Variants in AKAP3 observed in about 807,000 individuals in gnomAD.
The protein encoded by AKAP3 is A-kinase anchor protein 3.
Under a neutral mutation model 57.2 loss-of-function variants are expected in AKAP3, and 27 were observed. The ratio of observed to expected loss-of-function variants is 0.47; its 90% confidence interval spans 0.35 to 0.65. The LOEUF is 0.65. Ranked by LOEUF, AKAP3 falls within the 30% of genes least tolerant of loss-of-function variation. The probability of loss-of-function intolerance (pLI) is 0.01; values close to 1 mark genes in which losing one functional copy is unlikely to be tolerated. For missense variants in AKAP3, 959 were observed against 1,040.0 expected (o/e 0.92, Z 1.07); for synonymous variants, 334 against 392.3 (o/e 0.85, Z 1.76).
At chr12:4,636,669 A>G (rs1423143568) in intron 4 of AKAP3, among the ~76,000 whole-genome samples, 24 of 152,228 alleles carry the variant, frequency 1.6e-4, no homozygotes, top group Admixed American at 1.2e-3. Context: ...TTAAAACTTT[A>G]TATAGATCGA....
Position 4,649,021 on chromosome 12 carries a change from C to G in AKAP3, c.-521G>C, listed in dbSNP as rs913860636. On this transcript the variant is annotated 5_prime_UTR_variant, in exon 1 of 6. Coordinates refer to ENST00000228850, the MANE Select transcript of AKAP3 (RefSeq NM_001278309.2). Reference sequence around the variant, plus strand: ...TAACCAACAATCTACCCGAAACCGTCGTTTCTTGGTTAGCGCTTGCGCAGA... The same window carrying G: ...TAACCAACAATCTACCCGAAACCGTGGTTTCTTGGTTAGCGCTTGCGCAGA... The G allele has an allele frequency of 2.1e-5, 28 of 1,308,932 alleles. No homozygotes were observed. Among genetic ancestry groups the G allele is most frequent in the Non-Finnish European group, 3.0e-5 (28 of 932,434 alleles). The allele number at this position is 1,308,932 out of a possible 1,614,324, so 81.1% of individuals were successfully genotyped here. A position where few individuals can be genotyped will look rare whatever the true frequency, so the allele number is the denominator to read the frequency against.
chr12:4,627,163 C>T lies in AKAP3; in HGVS notation c.1739G>A (p.Gly580Asp). The T allele has an allele frequency of 6.2e-7, 1 of 1,614,042 alleles. No homozygotes were observed. The highest frequency in any genetic ancestry group is 8.5e-7 in the Non-Finnish European group (1 of 1,180,026). Residue 580 changes from glycine to aspartate, a missense_variant, in exon 5 of 6, where the codon GGT becomes GAT. Physicochemically the swap from Gly to Asp is moderately conservative, Grantham distance 94 (BLOSUM62 -1). Transcript: ENST00000228850. Reference protein sequence around the residue: ...ESCLKSAPIVGDQEQAEKKDL... With the variant: ...ESCLKSAPIVDDQEQAEKKDL... ...CTTCTTTTCTGCTTGTTCTTGGTCA[C>T]CTACAATGGGAGCAGACTTAAGGCA... is the stretch of plus-strand genomic sequence containing the variant.
At chr12:4,645,406 T>G (rs1945686766) in intron 1 of AKAP3, 1 of 152,240 alleles carries the variant, frequency 6.6e-6, no homozygotes, top group African/African-American at 2.4e-5. Context: ...CAGGGACCAG[T>G]TTTGTGAAAG....
In AKAP3 at chr12:4,624,315, A is replaced by ATGTG. The variant is rs756366662; in HGVS notation, c.2406+2180_2406+2181insCACA. Among the ~76,000 whole-genome samples, 2 of 146,234 alleles carry ATGTG rather than the reference A, an allele frequency of 1.4e-5. 1 individual carries two copies. The highest frequency in any genetic ancestry group is 3.0e-5 in the Non-Finnish European group (2 of 66,540). ...ATAAAAAATAATAATTTGTGACTTT[A>ATGTG]CGTGTGTGTGTGTGTGTGTGTGTGT... On this transcript the variant is annotated intron_variant, in intron 5 of 5. Transcript: ENST00000228850.
At chr12:4,641,363 C>A (rs1156378323) in intron 3 of AKAP3, among the ~76,000 whole-genome samples, 1 of 152,036 alleles carries the variant, frequency 6.6e-6, no homozygotes, top group Admixed American at 6.6e-5. Flanking sequence ...CTACACCAGG[C>A]GCTCCACATC....
At position 4,636,982 on chromosome 12, in the gene AKAP3, G is replaced by A. The variant is rs143910841; in HGVS notation, c.96+1119C>T. Reference sequence around the variant, plus strand: ...GCTGGTCTCCAACTCCTGGGCTCAAGCAATCCTCCCACCTTGGCCTCCCAA... The same window carrying A: ...GCTGGTCTCCAACTCCTGGGCTCAAACAATCCTCCCACCTTGGCCTCCCAA... On this transcript the variant is annotated intron_variant, in intron 4 of 5. Coordinates refer to ENST00000228850, the MANE Select transcript of AKAP3 (RefSeq NM_001278309.2). Among the ~76,000 whole-genome samples the A allele has an allele frequency of 2.5e-3, 379 of 152,228 alleles. 5 individuals are homozygous for A. Among genetic ancestry groups the A allele is most frequent in the African/African-American group, 7.8e-3 (326 of 41,538 alleles).
At chr12:4,633,970 C>A (rs1224388234) in intron 4 of AKAP3, among the ~76,000 whole-genome samples, 1 of 138,056 alleles carries the variant, frequency 7.2e-6, no homozygotes, top group East Asian at 2.1e-4. Context: ...TATCTATATT[C>A]TTTTTTTTTT....
Position 4,628,649 on chromosome 12 carries a change from A to C in AKAP3, c.253T>G (p.Tyr85Asp). ...GTGCCCTTGGTGGTGGTGTTGTAATAGTCTACAGAGAAACCTTTGTGTGGG... is the reference window on the plus strand; with the variant it reads ...GTGCCCTTGGTGGTGGTGTTGTAATCGTCTACAGAGAAACCTTTGTGTGGG... ...GDPHKGFSVD[Y>D]YNTTTKGTPE... The change falls in exon 5 of 6, where the codon TAT (tyrosine) becomes GAT (aspartate). Residue 85 changes from tyrosine (Y) to aspartate (D), a missense_variant. Transcript: ENST00000228850. 7.4e-6 allele frequency: 12 copies of C among 1,614,222 alleles called. No homozygotes were observed. Among genetic ancestry groups the C allele is most frequent in the Non-Finnish European group, 1.0e-5 (12 of 1,180,028 alleles).
chr12:4,616,489 C>T (rs1458812935), intron 5 of AKAP3, among the ~76,000 whole-genome samples: 1 of 152,226 alleles, frequency 6.6e-6, no homozygotes, highest in Non-Finnish European at 1.5e-5. Flanking sequence ...AACAAACTCT[C>T]TCAAGTAATC....
At chr12:4,640,914 T>G (rs1217903115) in intron 3 of AKAP3, among the ~76,000 whole-genome samples, 1 of 152,182 alleles carries the variant, frequency 6.6e-6, no homozygotes, top group Non-Finnish European at 1.5e-5. Context: ...AAATGCTCCC[T>G]GAGTGATTCT....
intron 4 of AKAP3, chr12:4,631,456 C>T (rs932332335): frequency 4.9e-5 from 32 of 655,784 alleles, no homozygotes; most frequent in African/African-American, 4.7e-4. Context: ...TATAAACTGT[C>T]TCTATCAGTG....
intron 2 of AKAP3, 171 bp from the exon 3 acceptor site, chr12:4,642,175 C>A (rs561565867): frequency 1.1e-4 from 17 of 152,324 alleles, no homozygotes; most frequent in African/African-American, 4.1e-4. Context: ...TGCAGTCTAG[C>A]AGTTCCAAGA....
rs1257434729 is a variant in AKAP3 at position 4,627,956 on chromosome 12, T to G, written c.946A>C (p.Ile316Leu). 23 of 1,614,124 alleles carry G rather than the reference T, an allele frequency of 1.4e-5. 1 individual carries two copies. In the South Asian group the frequency reaches 1.5e-4, roughly 11 times the overall value. Residue 316 changes from isoleucine (I) to leucine (L), a missense_variant, in exon 5 of 6, where the codon ATC (isoleucine) becomes CTC (leucine). Ile to Leu is a conservative substitution (Grantham distance 5). Transcript: ENST00000228850. Reference sequence around the variant, plus strand: ...TTGAGCAGAACCTTCTTCAGTAGGATGGTGGCAATGGTTGTGTCTTTCACT... The same window carrying G: ...TTGAGCAGAACCTTCTTCAGTAGGAGGGTGGCAATGGTTGTGTCTTTCACT... ...IQVKDTTIATILLKKVLLKHA... is the reference protein window; with the variant it reads ...IQVKDTTIATLLLKKVLLKHA...
At chr12:4,624,996 C>T (rs1213102091) in intron 5 of AKAP3, among the ~76,000 whole-genome samples, 3 of 152,110 alleles carry the variant, frequency 2.0e-5, no homozygotes, top group African/African-American at 7.2e-5. Flanking sequence ...GGCTTTCTCA[C>T]ACATTACACA....
intron 5 of AKAP3, among the ~76,000 whole-genome samples, chr12:4,618,271 A>C (rs925469908): frequency 6.6e-6 from 1 of 152,228 alleles, no homozygotes; most frequent in Non-Finnish European, 1.5e-5. Context: ...ATAAGAAAAG[A>C]TGTACCATGA....
intron 5 of AKAP3, among the ~76,000 whole-genome samples, chr12:4,621,303 A>G (rs1054663062): frequency 2.6e-5 from 4 of 152,194 alleles, no homozygotes; most frequent in Admixed American, 2.6e-4. Context: ...AATATTTTAA[A>G]ATATTTATTG....
chr12:4,615,661 G>C lies in AKAP3; in HGVS notation c.*78C>G. 6.6e-7 allele frequency: 1 copy of C among 1,512,722 alleles called. No homozygotes were observed. 93.7% of individuals were successfully genotyped at this position (1,512,722 alleles called of 1,614,324 possible). A position where few individuals can be genotyped will look rare whatever the true frequency, so the allele number is the denominator to read the frequency against. On this transcript the variant is annotated 3_prime_UTR_variant, in exon 6 of 6. Transcript: ENST00000228850. ...GGCTCTGTGAGGATATAGAGGGGGAGATGTGGAAGTGAGAAAGAAGGGCGG... is the reference window on the plus strand; with the variant it reads ...GGCTCTGTGAGGATATAGAGGGGGACATGTGGAAGTGAGAAAGAAGGGCGG...
At position 4,625,175 on chromosome 12, in the gene AKAP3, T is replaced by C. The variant is rs1945397293; in HGVS notation, c.2406+1321A>G. ...AGAGCTTGCCAACGACCCTTAGGAA[T>C]AGATCTAATATTGGAAGTTCACACT... On this transcript the variant is annotated intron_variant, in intron 5 of 5. Coordinates refer to ENST00000228850, the MANE Select transcript of AKAP3 (RefSeq NM_001278309.2). The surrounding 1 kb of genome is among the most constrained non-coding windows in gnomAD (Gnocchi z 5.4). Among the ~76,000 whole-genome samples, 1 of 152,180 alleles carries C rather than the reference T, an allele frequency of 6.6e-6. No individual in the cohort carries two copies. Among genetic ancestry groups the C allele is most frequent in the Non-Finnish European group, 1.5e-5 (1 of 68,020 alleles).
At position 4,628,721 on chromosome 12, in the gene AKAP3, A is replaced by G. The variant is rs1328715530; in HGVS notation, c.181T>C (p.Phe61Leu). 1 of 1,614,134 alleles carries G rather than the reference A, an allele frequency of 6.2e-7. No homozygotes were observed. Among genetic ancestry groups the G allele is most frequent in the East Asian group, 2.2e-5 (1 of 44,880 alleles). ...KSTAEFQDVR[F>L]KPGESFGGET... ...CCACCAAATGATTCTCCGGGTTTGA[A>G]CCGAACATCTTGGAACTCTGCTGTA... The change falls in exon 5 of 6, where the codon TTC becomes CTC. Residue 61 changes from phenylalanine (F) to leucine (L), a missense_variant. Phe to Leu is a conservative substitution (Grantham distance 22). Transcript: ENST00000228850.
Sources: gnomAD v4.1 joint callset for allele counts (sites outside exome capture counted in the v4.1 genomes callset) on GRCh38, gnomAD v4.1.1 for gene constraint, Gnocchi (gnomAD v3.1) non-coding constraint, MANE v1.5 for transcripts, NCBI Gene and HGNC (gene_info 2026-07-23, HGNC 2026-07-21) for gene names.